MOXD1: variants seen among roughly 807,000 people sequenced by gnomAD.
The protein encoded by MOXD1 is monooxygenase DBH like 1, also known as DBH-like monooxygenase protein 1.
In MOXD1, 62 loss-of-function variants were observed where a neutral mutation model predicts 66.6. That is an observed-to-expected ratio of 0.93 (90% CI 0.76 to 1.15). MOXD1 has a LOEUF of 1.15. MOXD1 is among the 50% of genes most tolerant of loss of function. MOXD1 has a pLI of 0.00. For synonymous variants in MOXD1, 303 were observed against 281.9 expected, an observed-to-expected ratio of 1.07 and a Z score of -0.75; for missense variants, 847 against 754.6, an observed-to-expected ratio of 1.12 and a Z score of -1.44.
chr6:132,377,159 C>A (rs1333533163), intron 1 of MOXD1, among the ~76,000 whole-genome samples: 3 of 152,076 alleles, frequency 2.0e-5, no homozygotes, highest in Non-Finnish European at 2.9e-5. Flanking sequence ...TTTTCTTCTG[C>A]CAAAGTTGAG....
At chr6:132,303,884 T>C (rs75089051) in intron 10 of MOXD1, among the ~76,000 whole-genome samples, 3,177 of 49,482 alleles carry the variant, frequency 0.064, 188 homozygotes, top group East Asian at 0.3. Flanking sequence ...TATATACATA[T>C]ATACATAAAA....
rs1319963648 is a variant in MOXD1, at chr6:132,394,621, T to TA, written c.264+6541dup. Among the ~76,000 whole-genome samples the TA allele has an allele frequency of 1.6e-4, 13 of 82,846 alleles. No individual in the cohort carries two copies. The East Asian group carries it at 3.3e-3, about 21-fold the overall frequency. 54.4% of individuals were successfully genotyped at this position (82,846 alleles called of 152,430 possible). ...AAATTTACCAAAGAGATAGATGTCA[T>TA]AAAAAAAGAGACCAAACAGAAATTC... On this transcript the variant is annotated intron_variant, in intron 1 of 11. Coordinates refer to ENST00000367963, the MANE Select transcript of MOXD1 (RefSeq NM_015529.4).
At chr6:132,334,163 T>C (rs970108238) in intron 4 of MOXD1, among the ~76,000 whole-genome samples, 1 of 152,208 alleles carries the variant, frequency 6.6e-6, no homozygotes. Context: ...TAACTATTTA[T>C]TGAATTGAAA....
Position 132,324,222 on chromosome 6 carries a change from A to G in MOXD1, c.947-125T>C, listed in dbSNP as rs541518670. On this transcript the variant is annotated intron_variant, in intron 6 of 11. Coordinates refer to ENST00000367963, the MANE Select transcript of MOXD1 (RefSeq NM_015529.4). ...GTTGAAATAGGTTTATTTATTTTCCATAAACTGTCATGAGGGAAAGGGATT... is the reference window on the plus strand; with the variant it reads ...GTTGAAATAGGTTTATTTATTTTCCGTAAACTGTCATGAGGGAAAGGGATT... 6.4e-6 allele frequency: 6 copies of G among 940,870 alleles called. No individual in the cohort carries two copies. In the South Asian group the frequency reaches 7.9e-5, roughly 12 times the overall value. 58.3% of individuals were successfully genotyped at this position (940,870 alleles called of 1,614,324 possible). A position where few individuals can be genotyped will look rare whatever the true frequency, so the allele number is the denominator to read the frequency against.
intron 10 of MOXD1, among the ~76,000 whole-genome samples, chr6:132,305,868 C>G (rs1250703266): frequency 6.6e-6 from 1 of 152,100 alleles, no homozygotes; most frequent in Non-Finnish European, 1.5e-5. Flanking sequence ...GGTCAGCAGC[C>G]TTGAATACCA....
At chr6:132,356,746 C>T (rs1458446528) in intron 4 of MOXD1, among the ~76,000 whole-genome samples, 1 of 151,734 alleles carries the variant, frequency 6.6e-6, no homozygotes, top group African/African-American at 2.4e-5. Flanking sequence ...ATTTGAAAAG[C>T]AAAATTCAAA....
rs148458063 is a variant in MOXD1, at chr6:132,374,837, T to C, written c.265-60A>G. Reference sequence around the variant, plus strand: ...CTAAATACAGAGAGAAAAGAATTCATAGGACCTTTAAAGACAAAGTCTTGT... The same window carrying C: ...CTAAATACAGAGAGAAAAGAATTCACAGGACCTTTAAAGACAAAGTCTTGT... On this transcript the variant is annotated intron_variant, in intron 1 of 11. Transcript: ENST00000367963. 1.1e-3 allele frequency: 1,580 copies of C among 1,474,860 alleles called. 12 individuals are homozygous for C. The African/African-American group carries it at 0.019, about 17-fold the overall frequency. The allele number at this position is 1,474,860 out of a possible 1,614,324, so 91.4% of individuals were successfully genotyped here.
chr6:132,303,825 GTGTGTGTGTGTA>G (rs1562276317), intron 10 of MOXD1, among the ~76,000 whole-genome samples: 93 of 96,800 alleles, frequency 9.6e-4, no homozygotes, highest in Middle Eastern at 5.4e-3. Flanking sequence ...GTGTGTGTGT[GTGTGTGTGTGTA>G]TATATATATA....
chr6:132,381,326 T>C (rs1776504466), intron 1 of MOXD1, among the ~76,000 whole-genome samples: 1 of 152,208 alleles, frequency 6.6e-6, no homozygotes, highest in African/African-American at 2.4e-5. Context: ...CCTTATTTCT[T>C]CTGTCTGTAT....
intron 4 of MOXD1, among the ~76,000 whole-genome samples, chr6:132,348,390 G>A (rs1775709171): frequency 6.6e-6 from 1 of 152,134 alleles, no homozygotes; most frequent in African/African-American, 2.4e-5. Context: ...TTCCCACTGG[G>A]TACTCAAATG....
intron 4 of MOXD1, among the ~76,000 whole-genome samples, chr6:132,336,966 G>A (rs1408247768): frequency 6.6e-6 from 1 of 152,142 alleles, no homozygotes; most frequent in Non-Finnish European, 1.5e-5. Context: ...TATGAGCTGT[G>A]AGGTTCAGCA....
intron 10 of MOXD1, among the ~76,000 whole-genome samples, chr6:132,313,555 T>A (rs1774875919): frequency 6.6e-6 from 1 of 152,206 alleles, no homozygotes; most frequent in Non-Finnish European, 1.5e-5. Flanking sequence ...TTCTCCTTCA[T>A]CATCTGCATT....
At chr6:132,334,309 GC>G (rs1775391624) in intron 4 of MOXD1, among the ~76,000 whole-genome samples, 1 of 152,116 alleles carries the variant, frequency 6.6e-6, no homozygotes, top group Non-Finnish European at 1.5e-5. Flanking sequence ...GTCACACCCT[GC>G]CCATGAGTAC....
chr6:132,383,599 T>C (rs550057591), intron 1 of MOXD1, among the ~76,000 whole-genome samples: 2 of 152,320 alleles, frequency 1.3e-5, no homozygotes, highest in East Asian at 3.9e-4. Flanking sequence ...AGTTGTCACG[T>C]AGGATAATGT....
At position 132,328,529 on chromosome 6, in the gene MOXD1, G is replaced by A. The variant is rs773226070; in HGVS notation, c.729C>T (p.Ser243=). ...LVHHILLYQC[S]NNFNDSVLES... ...CCAGAACGCTGTCGTTAAAGTTGTT[G>A]CTGCACTGATAGAGCAGGATGTGGT... The change falls in exon 5 of 12, where the codon AGC becomes AGT. Residue 243 remains serine, a synonymous_variant. Transcript: ENST00000367963. 2 of 1,614,130 alleles carry A rather than the reference G, an allele frequency of 1.2e-6. No homozygotes were observed. Among genetic ancestry groups the A allele is most frequent in the Non-Finnish European group, 1.7e-6 (2 of 1,180,014 alleles).
At chr6:132,378,467 T>A (rs183738086) in intron 1 of MOXD1, among the ~76,000 whole-genome samples, 3 of 152,018 alleles carry the variant, frequency 2.0e-5, no homozygotes, top group East Asian at 3.9e-4. Context: ...CTAAAAAATA[T>A]CTACTTTATG....
intron 1 of MOXD1, among the ~76,000 whole-genome samples, chr6:132,387,009 TG>T (rs1473327936): frequency 1.3e-5 from 2 of 151,202 alleles, no homozygotes; most frequent in African/African-American, 4.8e-5. Context: ...GGCAAAATAT[TG>T]CCAGCTGTTT....
chr6:132,326,567 A>T (rs913101161), intron 6 of MOXD1, among the ~76,000 whole-genome samples: 1 of 152,152 alleles, frequency 6.6e-6, no homozygotes, highest in African/African-American at 2.4e-5. Context: ...GACATATTCA[A>T]TAATTAATCC....
intron 10 of MOXD1, among the ~76,000 whole-genome samples, chr6:132,307,807 C>A (rs1336650228): frequency 6.6e-6 from 1 of 151,980 alleles, no homozygotes; most frequent in African/African-American, 2.4e-5. Flanking sequence ...AAATCAAGTT[C>A]TTTGAAACCA....
Sources: gnomAD v4.1 joint callset for allele counts (sites outside exome capture counted in the v4.1 genomes callset) on GRCh38, gnomAD v4.1.1 for gene constraint, MANE v1.5 for transcripts, NCBI Gene and HGNC (gene_info 2026-07-23, HGNC 2026-07-21) for gene names.